GPR89B: variants seen among roughly 807,000 people sequenced by gnomAD.
GPR89B encodes the protein G protein-coupled receptor 89B.
In GPR89B, 25 loss-of-function variants were observed where a neutral mutation model predicts 52.4. The ratio of observed to expected loss-of-function variants is 0.48; its 90% confidence interval spans 0.35 to 0.67. The LOEUF is 0.67. GPR89B is among the 30% of genes least tolerant of loss of function. The probability of loss-of-function intolerance (pLI) is 0.01; values close to 1 mark genes in which losing one functional copy is unlikely to be tolerated. For missense variants in GPR89B, 146 were observed against 450.2 expected (o/e 0.32, Z 6.11); for synonymous variants, 52 against 151.2 (o/e 0.34, Z 4.81).
the GPR89B span, among the ~76,000 whole-genome samples, chr1:148,013,644 C>G: frequency 1.3e-5 from 2 of 152,016 alleles, no homozygotes. Flanking sequence ...CCACGCGACC[C>G]AGGCCCTCCA....
chr1:147,958,426 GTCATGAGT>G (rs1211190302), intron 7 of GPR89B, among the ~76,000 whole-genome samples: 8 of 150,002 alleles, frequency 5.3e-5, no homozygotes, highest in Non-Finnish European at 1.0e-4. Context: ...AGAGGCTGAG[GTCATGAGT>G]TCAAGACCAG....
the GPR89B span, among the ~76,000 whole-genome samples, chr1:148,008,973 CA>C: frequency 6.6e-6 from 1 of 152,162 alleles, no homozygotes; most frequent in Non-Finnish European, 1.5e-5. Context: ...TGAAGAATCT[CA>C]TTTTTCTTGC....
downstream of GPR89B, among the ~76,000 whole-genome samples, chr1:147,994,823 G>C (rs1333699924): frequency 6.6e-6 from 1 of 151,692 alleles, no homozygotes; most frequent in East Asian, 2.0e-4. Context: ...TTATTAAAAT[G>C]AATATTCCAC....
the GPR89B span, among the ~76,000 whole-genome samples, chr1:148,008,200 T>C: frequency 6.6e-6 from 1 of 152,194 alleles, no homozygotes; most frequent in Admixed American, 6.5e-5. Context: ...CACTCAGCAT[T>C]TCTCCTGCTA....
chr1:147,961,198 A>G (rs2149067825), intron 7 of GPR89B, among the ~76,000 whole-genome samples: 1 of 152,146 alleles, frequency 6.6e-6, no homozygotes, highest in Middle Eastern at 3.4e-3. Flanking sequence ...AGAAAAAAAT[A>G]GTAAATATTT....
rs1419599035 is a variant in GPR89B, at chr1:147,935,113, G to T, written c.43-1514G>T. Among the ~76,000 whole-genome samples the T allele has an allele frequency of 5.3e-5, 8 of 152,302 alleles. No homozygotes were observed. In the South Asian group the frequency reaches 8.3e-4, roughly 16 times the overall value. The stretch of plus-strand genomic sequence containing the variant: ...ATGAGGGAAGTACAATGTAAAACAG[G>T]ATTATATAAAAAGAGCAATTTATCT... On this transcript the variant is annotated intron_variant, in intron 1 of 13. Coordinates refer to ENST00000314163, the MANE Select transcript of GPR89B (RefSeq NM_016334.5).
chr1:147,984,246 G>A (rs1315632357), intron 10 of GPR89B, among the ~76,000 whole-genome samples: 2 of 151,154 alleles, frequency 1.3e-5, no homozygotes, highest in Non-Finnish European at 2.9e-5. Flanking sequence ...GTTAATGGGT[G>A]CAGCACACCA....
chr1:147,988,370 C>T lies in GPR89B; in HGVS notation c.1006-62C>T, dbSNP rs1235670238. The stretch of plus-strand genomic sequence containing the variant: ...AGTCATGTAAATGATTGGGATATAG[C>T]TTAGCCCTTACGTCTCTCTGAACAG... On this transcript the variant is annotated intron_variant, in intron 11 of 13. Transcript: ENST00000314163. 4 of 1,576,514 alleles carry T rather than the reference C, an allele frequency of 2.5e-6. No individual in the cohort carries two copies. In the Admixed American group the frequency reaches 6.7e-5, roughly 26 times the overall value.
At chr1:148,022,170 T>C in the GPR89B span, among the ~76,000 whole-genome samples, 1 of 151,890 alleles carries the variant, frequency 6.6e-6, no homozygotes, top group Non-Finnish European at 1.5e-5. Context: ...ACAGTTCCCG[T>C]AAGCCATGTT....
In GPR89B at chr1:147,928,464, G is replaced by T. The variant is rs1484707756; in HGVS notation, c.-73G>T. The stretch of plus-strand genomic sequence containing the variant: ...CTGGGAGAAGGCAGACCGTGTGAGG[G>T]GGCCTGTGGCCCCAGCGTGCTGTGG... On this transcript the variant is annotated 5_prime_UTR_variant, in exon 1 of 14. Transcript: ENST00000314163. 34 of 1,580,456 alleles carry T rather than the reference G, an allele frequency of 2.2e-5. No homozygotes were observed. The highest frequency in any genetic ancestry group is 3.0e-5 in the Non-Finnish European group (34 of 1,150,726).
chr1:147,945,177 G>A (rs1654866290), intron 5 of GPR89B, among the ~76,000 whole-genome samples: 1 of 139,786 alleles, frequency 7.2e-6, no homozygotes, highest in Non-Finnish European at 1.5e-5. Flanking sequence ...AGTCCCAGCT[G>A]TTTGAGCTCC....
At position 147,949,444 on chromosome 1, in the gene GPR89B, CCCCCTGA is replaced by C. The variant is rs1403119580; in HGVS notation, c.416-3896_416-3890del. 0.019 allele frequency among the ~76,000 whole-genome samples: 6 copies of C among 316 alleles called. 2 individuals carry two copies. In the East Asian group the frequency reaches 0.27, roughly 14 times the overall value. 0.2% of individuals were successfully genotyped at this position (316 alleles called of 152,430 possible). A position where few individuals can be genotyped will look rare whatever the true frequency, so the allele number is the denominator to read the frequency against. On this transcript the variant is annotated intron_variant, in intron 5 of 13. Coordinates refer to ENST00000314163, the MANE Select transcript of GPR89B (RefSeq NM_016334.5). The stretch of plus-strand genomic sequence containing the variant: ...GCGGCTGGCCGGGTGGGGGGCTGAC[CCCCCTGA>C]CCCCCCACCTCCCTCCCGGACGGGG...
intron 7 of GPR89B, among the ~76,000 whole-genome samples, chr1:147,958,071 A>T (rs1656256337): frequency 7.4e-6 from 1 of 135,846 alleles, no homozygotes; most frequent in South Asian, 2.2e-4. Flanking sequence ...CTCAAAAAAG[A>T]AAAAAAAAAA....
chr1:147,954,586 GA>G (rs1305672072), intron 7 of GPR89B, among the ~76,000 whole-genome samples, 184 bp downstream of exon 7: 1 of 151,402 alleles, frequency 6.6e-6, no homozygotes, highest in Non-Finnish European at 1.5e-5. Flanking sequence ...GGGAGGCCAC[GA>G]CGGGGGGATC....
intron 5 of GPR89B, among the ~76,000 whole-genome samples, chr1:147,950,890 C>A (rs1319284223): frequency 6.6e-6 from 1 of 152,292 alleles, no homozygotes; most frequent in South Asian, 2.1e-4. Context: ...GCAGTACAGT[C>A]CAGCTTCGGC....
chr1:147,947,564 G>T (rs1655088389), intron 5 of GPR89B, among the ~76,000 whole-genome samples: 2 of 151,536 alleles, frequency 1.3e-5, no homozygotes, highest in Admixed American at 1.3e-4. Flanking sequence ...CTGCTAAATG[G>T]GGATAATGAT....
chr1:148,013,285 G>A, the GPR89B span, among the ~76,000 whole-genome samples: 1 of 152,094 alleles, frequency 6.6e-6, no homozygotes, highest in African/African-American at 2.4e-5. Flanking sequence ...GCACGGCGGA[G>A]ATAGGGCGTT....
the GPR89B span, among the ~76,000 whole-genome samples, chr1:148,002,961 A>G: frequency 4.0e-3 from 607 of 152,116 alleles, 3 homozygotes; most frequent in African/African-American, 0.014. Flanking sequence ...AGAAAAGCTT[A>G]CTCTAACGTT....
At chr1:147,945,967 C>T (rs1341087660) in intron 5 of GPR89B, among the ~76,000 whole-genome samples, 8 of 152,126 alleles carry the variant, frequency 5.3e-5, no homozygotes, top group Non-Finnish European at 8.8e-5. Context: ...CTCAGGGGAT[C>T]GACCCACCTC....
Sources: allele counts gnomAD v4.1 joint callset (sites outside exome capture counted in the v4.1 genomes callset), GRCh38; gene constraint gnomAD v4.1.1; transcripts MANE v1.5; gene names NCBI Gene and HGNC (gene_info 2026-07-23, HGNC 2026-07-21).